Variants in COPG2 observed in about 807,000 individuals in gnomAD.
The protein encoded by COPG2 is coat protein complex I subunit gamma 2, also known as coatomer subunit gamma-2.
In COPG2, 37 loss-of-function variants were observed where a neutral mutation model predicts 46.3. The observed-to-expected ratio is 0.80, with a 90% CI of 0.61 to 1.05. The LOEUF (loss-of-function observed/expected upper bound fraction) is 1.05. Ranked by LOEUF, COPG2 falls within the 50% of genes least tolerant of loss-of-function variation. The pLI, the probability that COPG2 is intolerant of heterozygous loss-of-function variation, is 0.00. For synonymous variants in COPG2, 159 were observed against 129.7 expected, an observed-to-expected ratio of 1.23 and a Z score of -1.53; for missense variants, 427 against 387.8, an observed-to-expected ratio of 1.10 and a Z score of -0.85.
intron 9 of COPG2, chr7:130,607,600 A>G (rs939115418): frequency 1.3e-5 from 6 of 462,088 alleles, no homozygotes; most frequent in South Asian, 4.9e-5. Flanking sequence ...TGCTTTTGGC[A>G]GGTCTCCTAG....
At chr7:130,624,774 G>C (rs1795090448) in intron 5 of COPG2, among the ~76,000 whole-genome samples, 1 of 152,108 alleles carries the variant, frequency 6.6e-6, no homozygotes, top group Non-Finnish European at 1.5e-5. Context: ...GTATTCCATG[G>C]TGTATATACA....
At chr7:130,539,413 C>G (rs967464341) in intron 20 of COPG2, among the ~76,000 whole-genome samples, 1,731 of 152,180 alleles carry the variant, frequency 0.011, 13 homozygotes, top group Admixed American at 0.013. Flanking sequence ...GCACTGGCCT[C>G]AATCAGTGGA....
intron 20 of COPG2, among the ~76,000 whole-genome samples, chr7:130,540,431 C>G (rs1208411515): frequency 6.6e-6 from 1 of 151,898 alleles, no homozygotes; most frequent in African/African-American, 2.4e-5. Context: ...GGAAAACTGA[C>G]AATAGTAAGC....
chr7:130,618,419 G>A (rs1037579207), intron 5 of COPG2, among the ~76,000 whole-genome samples: 11 of 152,080 alleles, frequency 7.2e-5, no homozygotes, highest in Non-Finnish European at 1.2e-4. Flanking sequence ...TGTCCCAAAA[G>A]TTGAGGTTTT....
chr7:130,640,742 T>C (rs890853972), intron 5 of COPG2, among the ~76,000 whole-genome samples: 2 of 152,184 alleles, frequency 1.3e-5, no homozygotes, highest in African/African-American at 4.8e-5. Flanking sequence ...CAACACACAT[T>C]AACACACCTT....
intron 5 of COPG2, among the ~76,000 whole-genome samples, chr7:130,643,658 T>C (rs1261935729): frequency 6.6e-6 from 1 of 152,114 alleles, no homozygotes. Context: ...AAACACAGAC[T>C]TTTAAGAATG....
chr7:130,621,672 C>T (rs1408687716), intron 5 of COPG2, among the ~76,000 whole-genome samples: 4 of 151,814 alleles, frequency 2.6e-5, no homozygotes, highest in East Asian at 1.9e-4. Context: ...TGGCCAGACG[C>T]GGTGGCTCAC....
intron 20 of COPG2, among the ~76,000 whole-genome samples, chr7:130,519,543 A>T (rs1308995247): frequency 2.0e-5 from 3 of 152,204 alleles, no homozygotes; most frequent in Non-Finnish European, 2.9e-5. Context: ...CTGAATGAAG[A>T]AAGAATGCTG....
chr7:130,642,938 G>A (rs915167377), intron 5 of COPG2, among the ~76,000 whole-genome samples: 10 of 152,196 alleles, frequency 6.6e-5, no homozygotes, highest in East Asian at 1.9e-4. Context: ...CCTGGGAGGC[G>A]GAGGCTGCAG....
chr7:130,662,667 G>C (rs1374711553), intron 4 of COPG2, among the ~76,000 whole-genome samples: 6 of 152,156 alleles, frequency 3.9e-5, no homozygotes, highest in Non-Finnish European at 5.9e-5. Context: ...ACTAAGAACT[G>C]ACAAATGTGG....
At chr7:130,516,935 G>A (rs1374266738) in intron 20 of COPG2, among the ~76,000 whole-genome samples, 1 of 152,152 alleles carries the variant, frequency 6.6e-6, no homozygotes, top group African/African-American at 2.4e-5. Context: ...CAAATACAGT[G>A]GAGAATGTGG....
At chr7:130,643,986 G>A (rs1795544118) in intron 5 of COPG2, among the ~76,000 whole-genome samples, 1 of 152,032 alleles carries the variant, frequency 6.6e-6, no homozygotes, top group African/African-American at 2.4e-5. Context: ...TAAAAGAAAT[G>A]AGCAGCAGTG....
chr7:130,651,492 GTATTTTTTTT>G (rs1795741534), intron 5 of COPG2, among the ~76,000 whole-genome samples: 1 of 30,776 alleles, frequency 3.2e-5, no homozygotes. Context: ...TAATTTTTTT[GTATTTTTTTT>G]TTTTTTTTTT....
intron 3 of COPG2, among the ~76,000 whole-genome samples, chr7:130,663,324 T>C (rs977117066): frequency 3.3e-5 from 5 of 152,312 alleles, no homozygotes; most frequent in African/African-American, 9.6e-5. Context: ...GAAATTTTCC[T>C]GAAGTATTGT....
chr7:130,559,658 C>A (rs1793687513), intron 12 of COPG2, among the ~76,000 whole-genome samples: 1 of 152,302 alleles, frequency 6.6e-6, no homozygotes, highest in South Asian at 2.1e-4. Flanking sequence ...GATCCCACTA[C>A]CACAGGCACT....
rs1554453025 is a variant in COPG2 at position 130,617,082 on chromosome 7, T to C, written c.324-17A>G. ...TTAGTCAGACTAAGAAAAATCAAAT[T>C]GGTTAACATAAGATCAATTAAAATC... On this transcript the variant is annotated splice_polypyrimidine_tract_variant and intron_variant, in intron 5 of 23. Coordinates refer to ENST00000425248, the MANE Select transcript of COPG2 (RefSeq NM_012133.6). 1 of 1,558,840 alleles carries C rather than the reference T, an allele frequency of 6.4e-7. No homozygotes were observed.
intron 9 of COPG2, among the ~76,000 whole-genome samples, chr7:130,609,265 T>C (rs963360871): frequency 3.3e-5 from 5 of 152,168 alleles, no homozygotes; most frequent in Admixed American, 3.3e-4. Context: ...TTTCCATGTG[T>C]TATGGGAGGG....
intron 20 of COPG2, among the ~76,000 whole-genome samples, chr7:130,512,782 T>G (rs372563813): frequency 6.6e-6 from 1 of 152,082 alleles, no homozygotes; most frequent in African/African-American, 2.4e-5. Flanking sequence ...AGTGAAAGGA[T>G]GACTGACAGT....
intron 9 of COPG2, among the ~76,000 whole-genome samples, chr7:130,583,066 T>C (rs1554447438): frequency 6.6e-6 from 1 of 151,106 alleles, no homozygotes. Flanking sequence ...ATTGCAGCAT[T>C]ATTCACAATA....
Sources: gnomAD v4.1 joint callset for allele counts (sites outside exome capture counted in the v4.1 genomes callset) on GRCh38, gnomAD v4.1.1 for gene constraint, MANE v1.5 for transcripts, NCBI Gene and HGNC (gene_info 2026-07-23, HGNC 2026-07-21) for gene names.